The following ENTREP2 variants were observed in gnomAD, a reference collection of about 807,000 sequenced individuals.
The protein encoded by ENTREP2 is endosomal transmembrane epsin interactor 2.
At chr15:29,458,530 C>T in the ENTREP2 span, among the ~76,000 whole-genome samples, 4,423 of 152,218 alleles carry the variant, frequency 0.029, 236 homozygotes, top group African/African-American at 0.099. Flanking sequence ...TTCTCAAAGC[C>T]TCCCTGCCCC....
the ENTREP2 span, among the ~76,000 whole-genome samples, chr15:29,449,458 G>A: frequency 3.3e-5 from 5 of 152,208 alleles, no homozygotes; most frequent in African/African-American, 9.6e-5. Context: ...GGCAGGTGAA[G>A]TGCAGGCACA....
At chr15:29,523,564 T>TG in the ENTREP2 span, among the ~76,000 whole-genome samples, 28 of 137,308 alleles carry the variant, frequency 2.0e-4, no homozygotes, top group African/African-American at 7.8e-4. Context: ...CAGCTAGATT[T>TG]TTTTTTTTTT....
chr15:29,319,812 G>A, the ENTREP2 span, among the ~76,000 whole-genome samples: 9 of 152,290 alleles, frequency 5.9e-5, no homozygotes, highest in East Asian at 1.2e-3. Context: ...GCCTCCAAAC[G>A]TTAATTCTGA....
At chr15:29,425,227 A>G in the ENTREP2 span, among the ~76,000 whole-genome samples, 3 of 150,342 alleles carry the variant, frequency 2.0e-5, no homozygotes, top group African/African-American at 7.4e-5. Context: ...TTTAATAGAC[A>G]TGGGGTTTCA....
the ENTREP2 span, among the ~76,000 whole-genome samples, chr15:29,219,756 A>G: frequency 4.7e-5 from 7 of 150,478 alleles, no homozygotes; most frequent in Non-Finnish European, 1.5e-5. Flanking sequence ...AAGTGAAGTA[A>G]ATCAAGAATG....
chr15:29,511,027 C>T, the ENTREP2 span, among the ~76,000 whole-genome samples: 1 of 151,958 alleles, frequency 6.6e-6, no homozygotes, highest in Non-Finnish European at 1.5e-5. Context: ...ATATCACACA[C>T]TGGGGCCTGT....
chr15:29,474,119 GAGAGCAGAGGCCCTCATTGT>G, the ENTREP2 span, among the ~76,000 whole-genome samples: 3 of 152,204 alleles, frequency 2.0e-5, no homozygotes. Flanking sequence ...TACTAGGAGT[GAGAGCAGAGGCCCTCATTGT>G]ATAAAGACCA....
At chr15:29,675,328 G>C in the ENTREP2 span, 1 of 152,324 alleles carries the variant, frequency 6.6e-6, no homozygotes. Flanking sequence ...CCCACGCAGC[G>C]TCCCACAGGC....
the ENTREP2 span, among the ~76,000 whole-genome samples, chr15:29,421,820 C>T: frequency 6.6e-6 from 1 of 152,168 alleles, no homozygotes; most frequent in Non-Finnish European, 1.5e-5. Flanking sequence ...AAAAGCAAAT[C>T]TGATGTTTCT....
the ENTREP2 span, among the ~76,000 whole-genome samples, chr15:29,511,473 C>T: frequency 9.2e-5 from 14 of 151,930 alleles, no homozygotes; most frequent in African/African-American, 2.9e-4. Context: ...GGATTACAGG[C>T]GTGTGCCACC....
the ENTREP2 span, among the ~76,000 whole-genome samples, chr15:29,395,930 G>A: frequency 3.3e-5 from 5 of 152,098 alleles, no homozygotes; most frequent in Admixed American, 6.6e-5. Flanking sequence ...GTGGAGAAAG[G>A]CCTAGTCAAG....
the ENTREP2 span, among the ~76,000 whole-genome samples, chr15:29,584,359 C>A: frequency 1.3e-5 from 2 of 152,100 alleles, no homozygotes; most frequent in Non-Finnish European, 2.9e-5. Flanking sequence ...TTCATTGCAG[C>A]ATTATTCACA....
chr15:29,269,243 T>C, the ENTREP2 span: 1 of 1,614,128 alleles, frequency 6.2e-7, no homozygotes, highest in Non-Finnish European at 8.5e-7. Context: ...AGGGTGTTGA[T>C]GAGGATGTAA....
chr15:29,621,963 C>A, the ENTREP2 span, among the ~76,000 whole-genome samples: 5 of 152,084 alleles, frequency 3.3e-5, no homozygotes, highest in Non-Finnish European at 7.4e-5. Context: ...GAGCTAATCA[C>A]AAAAGAACAA....
chr15:29,380,875 T>G, the ENTREP2 span, among the ~76,000 whole-genome samples: 2 of 148,904 alleles, frequency 1.3e-5, no homozygotes, highest in East Asian at 4.0e-4. Flanking sequence ...TTGAGATGGA[T>G]TCTCTCTCTG....
the ENTREP2 span, among the ~76,000 whole-genome samples, chr15:29,135,450 G>A: frequency 6.6e-6 from 1 of 151,988 alleles, no homozygotes; most frequent in Non-Finnish European, 1.5e-5. The surrounding 1 kb of genome is among the most constrained non-coding windows in gnomAD (Gnocchi z 7.4). Context: ...TTGCACTATG[G>A]GCCACGTGAC....
chr15:29,478,017 A>ATTTTTTTT, the ENTREP2 span, among the ~76,000 whole-genome samples: 8 of 56,952 alleles, frequency 1.4e-4, no homozygotes, highest in South Asian at 6.6e-4. Flanking sequence ...ATATATATAT[A>ATTTTTTTT]TATTTTTTTT....
At chr15:29,499,363 A>T in the ENTREP2 span, among the ~76,000 whole-genome samples, 1 of 152,084 alleles carries the variant, frequency 6.6e-6, no homozygotes, top group South Asian at 2.1e-4. Context: ...TATTATAGTT[A>T]TAACAGTTTA....
chr15:29,301,378 T>C, the ENTREP2 span, among the ~76,000 whole-genome samples: 1 of 152,258 alleles, frequency 6.6e-6, no homozygotes, highest in East Asian at 1.9e-4. Flanking sequence ...GAAGTACTTT[T>C]ACTTATGCAT....
Sources: allele counts gnomAD v4.1 joint callset (sites outside exome capture counted in the v4.1 genomes callset), GRCh38; gene constraint gnomAD v4.1.1; non-coding constraint Gnocchi (gnomAD v3.1); transcripts MANE v1.5; gene names NCBI Gene and HGNC (gene_info 2026-07-23, HGNC 2026-07-21).